Variants in IL1RAPL2 observed in about 807,000 individuals in gnomAD.
IL1RAPL2 encodes X-linked interleukin-1 receptor accessory protein-like 2.
A neutral mutation model predicts 44.1 loss-of-function variants in IL1RAPL2; 3 were observed. That is an observed-to-expected ratio of 0.07 (90% CI 0.03 to 0.18). The LOEUF is 0.18. Ranked by LOEUF, IL1RAPL2 falls within the 10% of genes least tolerant of loss-of-function variation. IL1RAPL2 has a pLI of 1.00. For synonymous variants in IL1RAPL2, 181 were observed against 178.8 expected (o/e 1.01, Z -0.10); for missense variants, 391 against 496.4 (o/e 0.79, Z 2.02).
At chrX:105,665,095 G>A (rs2037749185) in intron 6 of IL1RAPL2, among the ~76,000 whole-genome samples, 1 of 111,927 alleles carries the variant, frequency 8.9e-6, no homozygotes, top group Non-Finnish European at 1.9e-5. Context: ...TAAGGGACCA[G>A]GCAACAGTAG....
At chrX:104,862,745 T>C (rs1192412037) in intron 2 of IL1RAPL2, among the ~76,000 whole-genome samples, 1 of 112,225 alleles carries the variant, frequency 8.9e-6, no homozygotes, top group African/African-American at 3.2e-5. Flanking sequence ...AATAAATAAA[T>C]AAAAACATTC....
At chrX:104,946,379 C>CAAAAAAAAAAAA (rs1157603029) in intron 2 of IL1RAPL2, among the ~76,000 whole-genome samples, 578 of 9,119 alleles carry the variant, frequency 0.063, 220 homozygotes, top group Non-Finnish European at 0.073. Context: ...GACTCCGTCT[C>CAAAAAAAAAAAA]AAAAAAAAAA....
chrX:105,060,824 T>G (rs1312094023), intron 2 of IL1RAPL2, among the ~76,000 whole-genome samples: 3 of 110,547 alleles, frequency 2.7e-5, no homozygotes, highest in Non-Finnish European at 5.7e-5. Flanking sequence ...GATTTTTTAA[T>G]TTATTAGCAT....
intron 4 of IL1RAPL2, among the ~76,000 whole-genome samples, chrX:105,253,474 A>G (rs5962493): frequency 0.26 from 28,553 of 110,687 alleles, 7,682 homozygotes; most frequent in African/African-American, 0.82. Context: ...TACTTTTTCC[A>G]TCAGAATTAT....
intron 1 of IL1RAPL2, among the ~76,000 whole-genome samples, chrX:104,582,597 TTTCTTTCTTTC>T (rs1928382670): frequency 3.5e-5 from 1 of 28,616 alleles, no homozygotes; most frequent in African/African-American, 1.6e-4. Flanking sequence ...TTTCTTTCTT[TTTCTTTCTTTC>T]TTTCTTTCTT....
intron 2 of IL1RAPL2, among the ~76,000 whole-genome samples, chrX:105,092,292 TC>T (rs1157480361): frequency 1.8e-5 from 2 of 111,656 alleles, no homozygotes; most frequent in Non-Finnish European, 3.8e-5. Flanking sequence ...CTAGAAAGAC[TC>T]ATAGAACTTA....
At chrX:105,674,434 C>T (rs1188205270) in intron 6 of IL1RAPL2, among the ~76,000 whole-genome samples, 1 of 111,750 alleles carries the variant, frequency 8.9e-6, no homozygotes, top group African/African-American at 3.3e-5. Flanking sequence ...GGATTATTTC[C>T]CCATTGCTTC....
intron 2 of IL1RAPL2, among the ~76,000 whole-genome samples, chrX:105,181,939 C>T (rs781899813): frequency 7.8e-4 from 85 of 108,413 alleles, no homozygotes; most frequent in African/African-American, 2.6e-3. Flanking sequence ...TGGTAGCGGG[C>T]GCCTGTAGTC....
intron 2 of IL1RAPL2, among the ~76,000 whole-genome samples, chrX:105,085,249 A>G (rs141186677): frequency 0.063 from 7,082 of 112,192 alleles, 606 homozygotes; most frequent in African/African-American, 0.22. Context: ...ACCTATATTG[A>G]AAGAAAATAT....
chrX:105,099,078 C>A (rs1191879246), intron 2 of IL1RAPL2, among the ~76,000 whole-genome samples: 1 of 112,250 alleles, frequency 8.9e-6, no homozygotes, highest in African/African-American at 3.2e-5. Flanking sequence ...TTGTACAACG[C>A]ACTAGAGGTG....
At chrX:105,558,379 C>T (rs1005095840) in intron 6 of IL1RAPL2, among the ~76,000 whole-genome samples, 8 of 111,622 alleles carry the variant, frequency 7.2e-5, no homozygotes, top group African/African-American at 2.6e-4. Flanking sequence ...TGCCCCACAG[C>T]AGAAGGCACA....
chrX:105,295,361 G>A (rs979580858), intron 5 of IL1RAPL2, among the ~76,000 whole-genome samples: 3 of 111,552 alleles, frequency 2.7e-5, no homozygotes, highest in Non-Finnish European at 3.8e-5. Context: ...TTAAATAAAA[G>A]CATTTAAAAG....
intron 2 of IL1RAPL2, among the ~76,000 whole-genome samples, chrX:104,806,975 C>T (rs1421891250): frequency 1.8e-5 from 2 of 110,984 alleles, no homozygotes; most frequent in Non-Finnish European, 3.8e-5. Flanking sequence ...GATAAGATGG[C>T]AGAAAGATGC....
intron 2 of IL1RAPL2, among the ~76,000 whole-genome samples, chrX:105,126,517 T>C (rs1187760923): frequency 1.8e-5 from 2 of 111,299 alleles, no homozygotes; most frequent in Non-Finnish European, 3.8e-5. Context: ...GTTCCTTTTT[T>C]CCTCCTACAT....
intron 6 of IL1RAPL2, among the ~76,000 whole-genome samples, chrX:105,587,885 A>T (rs1373249916): frequency 2.7e-5 from 3 of 110,875 alleles, no homozygotes; most frequent in South Asian, 3.8e-4. Flanking sequence ...CAAAAATTTT[A>T]AAAAATACCT....
At chrX:105,091,679 C>T (rs767144007) in intron 2 of IL1RAPL2, among the ~76,000 whole-genome samples, 1 of 111,705 alleles carries the variant, frequency 9.0e-6, no homozygotes, top group East Asian at 2.8e-4. Flanking sequence ...TTTCATAATA[C>T]TTATCAGAAT....
intron 2 of IL1RAPL2, among the ~76,000 whole-genome samples, chrX:105,172,089 G>C (rs1410195024): frequency 8.9e-6 from 1 of 112,304 alleles, no homozygotes; most frequent in African/African-American, 3.2e-5. Context: ...TGTGTGGAAG[G>C]CATGAGGGTA....
chrX:104,626,788 T>G (rs979902718), intron 1 of IL1RAPL2, among the ~76,000 whole-genome samples: 2 of 109,890 alleles, frequency 1.8e-5, no homozygotes, highest in African/African-American at 6.6e-5. Context: ...ATTCTTTTAC[T>G]GAATCTTTGT....
intron 2 of IL1RAPL2, among the ~76,000 whole-genome samples, chrX:104,904,961 C>T (rs1472427199): frequency 1.8e-5 from 2 of 111,081 alleles, no homozygotes; most frequent in African/African-American, 6.6e-5. Context: ...CTCTCCAACA[C>T]CTGTTGTTTC....
Sources: gnomAD v4.1 joint callset for allele counts (sites outside exome capture counted in the v4.1 genomes callset) on GRCh38, gnomAD v4.1.1 for gene constraint, MANE v1.5 for transcripts, NCBI Gene and HGNC (gene_info 2026-07-23, HGNC 2026-07-21) for gene names.